Variants in NCOA1 observed in about 807,000 individuals in gnomAD.
NCOA1 encodes nuclear receptor coactivator 1.
NCOA1 carries 35 observed loss-of-function variants against 150.9 expected under a neutral mutation model. The observed-to-expected ratio is 0.23, with a 90% CI of 0.18 to 0.31. The LOEUF (loss-of-function observed/expected upper bound fraction) is 0.31, where lower values mean the gene tolerates loss of function less well. Ranked by LOEUF, NCOA1 falls within the 10% of genes least tolerant of loss-of-function variation. The pLI is 1.00. For missense variants in NCOA1, 1,491 were observed against 1,749.3 expected, an observed-to-expected ratio of 0.85 and a Z score of 2.63; for synonymous variants, 590 against 630.0, an observed-to-expected ratio of 0.94 and a Z score of 0.95.
chr2:24,583,980 A>C (rs995378070), intron 2 of NCOA1, among the ~76,000 whole-genome samples: 19 of 152,288 alleles, frequency 1.2e-4, no homozygotes, highest in Admixed American at 3.3e-4. Flanking sequence ...GTTCTGTAGC[A>C]ATGTAGGGTG....
intron 1 of NCOA1, among the ~76,000 whole-genome samples, chr2:24,549,792 G>A (rs1423482293): frequency 3.3e-5 from 5 of 152,090 alleles, no homozygotes; most frequent in Non-Finnish European, 5.9e-5. Context: ...GGATGGTCTC[G>A]ATCTCCTGAC....
chr2:24,503,881 T>C (rs1485439426), intron 1 of NCOA1, among the ~76,000 whole-genome samples: 5 of 152,048 alleles, frequency 3.3e-5, no homozygotes, highest in Admixed American at 2.6e-4. Flanking sequence ...ATTTCAGATG[T>C]GTACCACCAC....
chr2:24,669,996 G>A lies in NCOA1; in HGVS notation c.257-3370G>A, dbSNP rs542064134. 1.9e-3 allele frequency among the ~76,000 whole-genome samples: 287 copies of A among 152,264 alleles called. 1 individual carries two copies. The highest frequency in any genetic ancestry group is 6.9e-3 in the African/African-American group (285 of 41,544). Reference sequence around the variant, plus strand: ...CTACAAAAAAATAAAAAATTACCCAGGCACAGTGGTGCATCCCTGTAGTCC... The same window carrying A: ...CTACAAAAAAATAAAAAATTACCCAAGCACAGTGGTGCATCCCTGTAGTCC... On this transcript the variant is annotated intron_variant, in intron 6 of 22. Coordinates refer to ENST00000348332, the MANE Select transcript of NCOA1 (RefSeq NM_003743.5).
At chr2:24,731,299 G>T (rs377762142) in intron 17 of NCOA1, among the ~76,000 whole-genome samples, 11 of 152,246 alleles carry the variant, frequency 7.2e-5, no homozygotes, top group South Asian at 6.2e-4. Flanking sequence ...TAAGTGGGTT[G>T]CCTTAATCAA....
intron 1 of NCOA1, among the ~76,000 whole-genome samples, chr2:24,541,428 G>A (rs1367685536): frequency 1.3e-5 from 2 of 152,198 alleles, no homozygotes; most frequent in African/African-American, 4.8e-5. Context: ...AACAGGAACA[G>A]CTGAACTACC....
chr2:24,601,352 A>G (rs1240831974), intron 3 of NCOA1, among the ~76,000 whole-genome samples: 1 of 152,094 alleles, frequency 6.6e-6, no homozygotes, highest in Admixed American at 6.5e-5. Context: ...AGCTGGCACT[A>G]CAAATATGTA....
In NCOA1 at chr2:24,682,962, A is replaced by G; in HGVS notation, c.366A>G (p.Gly122=). 2.5e-6 allele frequency: 4 copies of G among 1,588,684 alleles called. No individual in the cohort carries two copies. The highest frequency in any genetic ancestry group is 2.3e-5 in the East Asian group (1 of 43,520). ...LGPLLLEALD[G]FFFVVNCEGR... ...TTTTGGTTTTGCAGGCTTTGGATGG[A>G]TTTTTCTTTGTTGTGAACTGTGAAG... The change falls in exon 8 of 23, where the codon GGA becomes GGG. Residue 122 remains glycine, a synonymous_variant. Transcript: ENST00000348332.
At chr2:24,596,039 G>C (rs1667871250) in intron 3 of NCOA1, among the ~76,000 whole-genome samples, 2 of 152,072 alleles carry the variant, frequency 1.3e-5, no homozygotes, top group African/African-American at 4.8e-5. Context: ...AGACCTGTGA[G>C]CATTTCATTT....
rs935467063 is a variant in NCOA1, at chr2:24,692,378, A to T, written c.712+718A>T. ...TACACATGCCAAATCTTACTTGATT[A>T]AAGTTCATTTTTAGCTGTGTGATAT... is the stretch of plus-strand genomic sequence containing the variant. On this transcript the variant is annotated intron_variant, in intron 9 of 22. Transcript: ENST00000348332. Among the ~76,000 whole-genome samples the T allele has an allele frequency of 8.5e-5, 13 of 152,236 alleles. 1 individual carries two copies. Among genetic ancestry groups the T allele is most frequent in the Admixed American group, 7.2e-4 (11 of 15,290 alleles).
chr2:24,622,746 C>T (rs1558847945), intron 3 of NCOA1, among the ~76,000 whole-genome samples: 1 of 152,058 alleles, frequency 6.6e-6, no homozygotes, highest in Non-Finnish European at 1.5e-5. Flanking sequence ...TTTTATTGCC[C>T]ATATGCAGAT....
At chr2:24,561,848 A>G (rs879818140) in intron 1 of NCOA1, among the ~76,000 whole-genome samples, 9 of 152,196 alleles carry the variant, frequency 5.9e-5, no homozygotes, top group Admixed American at 3.9e-4. Context: ...AATTACTTAA[A>G]TAGATTATAG....
intron 3 of NCOA1, among the ~76,000 whole-genome samples, chr2:24,618,860 G>A (rs1211130481): frequency 6.6e-6 from 1 of 152,148 alleles, no homozygotes; most frequent in African/African-American, 2.4e-5. Context: ...ATTGAGGCAT[G>A]TCATGCTAAT....
rs1673463009 is a variant in NCOA1 at position 24,706,808 on chromosome 2, A to G, written c.1338A>G (p.Gly446=). 6.2e-7 allele frequency: 1 copy of G among 1,614,176 alleles called. No homozygotes were observed. The highest frequency in any genetic ancestry group is 8.5e-7 in the Non-Finnish European group (1 of 1,180,024). Residue 446 remains glycine (G), a synonymous_variant, in exon 13 of 23, where the codon GGA becomes GGG. Coordinates refer to ENST00000348332, the MANE Select transcript of NCOA1 (RefSeq NM_003743.5). ...NSQGSFGCSP[G]SQIVANVALN... Reference sequence around the variant, plus strand: ...AAGGAAGTTTCGGATGCTCACCCGGAAGTCAGATTGTAGCCAATGTTGCCT... The same window carrying G: ...AAGGAAGTTTCGGATGCTCACCCGGGAGTCAGATTGTAGCCAATGTTGCCT...
intron 3 of NCOA1, among the ~76,000 whole-genome samples, chr2:24,610,281 G>A (rs900471926): frequency 1.3e-5 from 2 of 151,424 alleles, no homozygotes; most frequent in African/African-American, 4.8e-5. Flanking sequence ...TTGCCACCAC[G>A]CCCAGCTAAT....
intron 6 of NCOA1, among the ~76,000 whole-genome samples, chr2:24,672,889 A>G (rs1192683459): frequency 1.3e-5 from 2 of 152,180 alleles, no homozygotes; most frequent in Admixed American, 6.5e-5. Context: ...AGTTTTATCA[A>G]TCAGAGCATC....
intron 3 of NCOA1, among the ~76,000 whole-genome samples, chr2:24,623,992 ACAACAT>A (rs1363184065): frequency 3.3e-5 from 5 of 152,208 alleles, no homozygotes; most frequent in African/African-American, 1.2e-4. Flanking sequence ...CATGGAGTCC[ACAACAT>A]CAAAATTGTT....
intron 8 of NCOA1, among the ~76,000 whole-genome samples, chr2:24,684,551 C>T (rs1672318612): frequency 1.3e-5 from 2 of 152,224 alleles, no homozygotes. Flanking sequence ...CTGCTCCCGG[C>T]TGCTTACAAG....
chr2:24,629,447 ACT>A (rs1289728255), intron 3 of NCOA1, among the ~76,000 whole-genome samples: 5 of 148,452 alleles, frequency 3.4e-5, no homozygotes, highest in African/African-American at 9.9e-5. Flanking sequence ...TAACAAAATA[ACT>A]CTGGGTTGAC....
At chr2:24,706,356 CATT>C (rs944121386) in intron 12 of NCOA1, among the ~76,000 whole-genome samples, 3 of 151,922 alleles carry the variant, frequency 2.0e-5, no homozygotes, top group Non-Finnish European at 4.4e-5. Flanking sequence ...AGTCGATAAG[CATT>C]ATTTCTTATT....
Sources: gnomAD v4.1 joint callset for allele counts (sites outside exome capture counted in the v4.1 genomes callset) on GRCh38, gnomAD v4.1.1 for gene constraint, MANE v1.5 for transcripts, NCBI Gene and HGNC (gene_info 2026-07-23, HGNC 2026-07-21) for gene names.